GABBR2: variants seen among roughly 807,000 people sequenced by gnomAD.
The protein encoded by GABBR2 is gamma-aminobutyric acid type B receptor subunit 2.
In GABBR2, 23 loss-of-function variants were observed where a neutral mutation model predicts 105.6. That is an observed-to-expected ratio of 0.22 (90% CI 0.16 to 0.31). GABBR2 has a LOEUF of 0.31. GABBR2 is among the 10% of genes least tolerant of loss of function. GABBR2 has a pLI of 1.00. For synonymous variants in GABBR2, 478 were observed against 499.7 expected, an observed-to-expected ratio of 0.96 and a Z score of 0.58; for missense variants, 734 against 1,245.5, an observed-to-expected ratio of 0.59 and a Z score of 6.18.
chr9:98,685,529 C>T (rs78436937), intron 1 of GABBR2, among the ~76,000 whole-genome samples: 3,968 of 152,282 alleles, frequency 0.026, 70 homozygotes, highest in Non-Finnish European at 0.038. Flanking sequence ...GCTTCAAGCC[C>T]TCAGTGCACA....
At chr9:98,380,112 T>C (rs1831945522) in intron 11 of GABBR2, among the ~76,000 whole-genome samples, 1 of 152,220 alleles carries the variant, frequency 6.6e-6, no homozygotes, top group Non-Finnish European at 1.5e-5. Context: ...GTGACAGGGC[T>C]TCCGTTTTCT....
chr9:98,632,363 C>A (rs565768818), intron 1 of GABBR2, among the ~76,000 whole-genome samples: 1 of 152,314 alleles, frequency 6.6e-6, no homozygotes, highest in African/African-American at 2.4e-5. Flanking sequence ...ACTAGGTGCT[C>A]AATAAATGGA....
At chr9:98,455,258 C>T (rs1826305982) in intron 6 of GABBR2, among the ~76,000 whole-genome samples, 1 of 152,192 alleles carries the variant, frequency 6.6e-6, no homozygotes, top group South Asian at 2.1e-4. Context: ...CCTTTTTACT[C>T]CAGACCTTGG....
intron 13 of GABBR2, among the ~76,000 whole-genome samples, chr9:98,353,328 A>G (rs561577342): frequency 5.3e-5 from 8 of 152,176 alleles, no homozygotes; most frequent in South Asian, 2.1e-4. Flanking sequence ...TGCTATTTCC[A>G]CCAGATCTGC....
At chr9:98,511,447 A>C (rs1253766844) in intron 3 of GABBR2, among the ~76,000 whole-genome samples, 2 of 104,442 alleles carry the variant, frequency 1.9e-5, no homozygotes, top group African/African-American at 7.8e-5. Flanking sequence ...AAATCCTTCA[A>C]AAAATTAATG....
At chr9:98,551,742 T>C (rs1030366063) in intron 2 of GABBR2, among the ~76,000 whole-genome samples, 3 of 152,088 alleles carry the variant, frequency 2.0e-5, no homozygotes, top group Non-Finnish European at 4.4e-5. Context: ...CAGAGAGAAG[T>C]GGTGAGCTCA....
intron 13 of GABBR2, among the ~76,000 whole-genome samples, chr9:98,332,117 T>C (rs1831037957): frequency 6.6e-6 from 1 of 152,174 alleles, no homozygotes; most frequent in African/African-American, 2.4e-5. Context: ...TTCTCACCTC[T>C]GAGCCCCACT....
chr9:98,523,079 C>G (rs1369306279), intron 3 of GABBR2, among the ~76,000 whole-genome samples: 1 of 152,026 alleles, frequency 6.6e-6, no homozygotes, highest in Non-Finnish European at 1.5e-5. Flanking sequence ...TATTATTTAG[C>G]TGAAACTATA....
chr9:98,619,268 C>A (rs1394563620), intron 1 of GABBR2, among the ~76,000 whole-genome samples: 1 of 151,698 alleles, frequency 6.6e-6, no homozygotes, highest in South Asian at 2.1e-4. Flanking sequence ...TAACCCCCCA[C>A]CCCTGCCCCA....
chr9:98,519,735 G>A (rs1827830126), intron 3 of GABBR2, among the ~76,000 whole-genome samples: 1 of 150,624 alleles, frequency 6.6e-6, no homozygotes, highest in Non-Finnish European at 1.5e-5. Context: ...TTTGGTAAAG[G>A]GTCAGATAGT....
chr9:98,457,277 C>T (rs1237967401), intron 6 of GABBR2, among the ~76,000 whole-genome samples: 1 of 152,200 alleles, frequency 6.6e-6, no homozygotes, highest in African/African-American at 2.4e-5. Context: ...GACATTTCTA[C>T]AACACCTCCC....
At chr9:98,569,858 C>T (rs2131772343) in intron 2 of GABBR2, among the ~76,000 whole-genome samples, 1 of 152,272 alleles carries the variant, frequency 6.6e-6, no homozygotes, top group East Asian at 1.9e-4. Context: ...TCTCAGACAG[C>T]CTACAGTTTA....
chr9:98,406,948 C>T (rs1001289639), intron 7 of GABBR2, among the ~76,000 whole-genome samples: 9 of 152,140 alleles, frequency 5.9e-5, no homozygotes, highest in African/African-American at 1.9e-4. Context: ...TCATGCCAAA[C>T]GTAAGTGATA....
At chr9:98,293,117 G>T (rs1293165809) in intron 18 of GABBR2, among the ~76,000 whole-genome samples, 1 of 152,198 alleles carries the variant, frequency 6.6e-6, no homozygotes, top group Non-Finnish European at 1.5e-5. Flanking sequence ...AAGTTTCAAA[G>T]TTTGTATTTC....
At chr9:98,346,416 A>G (rs1284416931) in intron 13 of GABBR2, among the ~76,000 whole-genome samples, 2 of 152,176 alleles carry the variant, frequency 1.3e-5, no homozygotes, top group Admixed American at 6.5e-5. Context: ...CTCCTCACTC[A>G]TGAAAGTTAT....
chr9:98,605,154 C>T (rs1385967771), intron 1 of GABBR2, among the ~76,000 whole-genome samples: 1 of 152,236 alleles, frequency 6.6e-6, no homozygotes, highest in East Asian at 1.9e-4. Context: ...ATGCCCCTCT[C>T]CTTCTGTTGA....
intron 1 of GABBR2, among the ~76,000 whole-genome samples, chr9:98,663,221 C>T (rs374265152): frequency 1.3e-3 from 171 of 131,644 alleles, no homozygotes; most frequent in African/African-American, 4.8e-3. Flanking sequence ...GAAATTTAAC[C>T]AAGGCCAGGA....
At chr9:98,602,608 A>G (rs1829356825) in intron 1 of GABBR2, among the ~76,000 whole-genome samples, 1 of 152,130 alleles carries the variant, frequency 6.6e-6, no homozygotes, top group South Asian at 2.1e-4. Context: ...CCTCATTTTA[A>G]TATCGCTCAG....
At chr9:98,596,060 A>G (rs993466312) in intron 1 of GABBR2, among the ~76,000 whole-genome samples, 1 of 152,244 alleles carries the variant, frequency 6.6e-6, no homozygotes, top group East Asian at 1.9e-4. Flanking sequence ...GGGAAGGCCC[A>G]TGGAGACCCT....
Sources: gnomAD v4.1 joint callset for allele counts (sites outside exome capture counted in the v4.1 genomes callset) on GRCh38, gnomAD v4.1.1 for gene constraint, MANE v1.5 for transcripts, NCBI Gene and HGNC (gene_info 2026-07-23, HGNC 2026-07-21) for gene names.